The following PAPPA variants were observed in gnomAD, a reference collection of about 807,000 sequenced individuals.
PAPPA encodes pappalysin 1.
A neutral mutation model predicts 164.0 loss-of-function variants in PAPPA; 60 were observed. The ratio of observed to expected loss-of-function variants is 0.37; its 90% CI spans 0.30 to 0.45. The LOEUF (loss-of-function observed/expected upper bound fraction) is 0.45, where lower values mean the gene tolerates loss of function less well. Ranked by LOEUF, PAPPA falls within the 20% of genes least tolerant of loss-of-function variation. The probability of loss-of-function intolerance (pLI) is 1.00; values close to 1 mark genes in which losing one functional copy is unlikely to be tolerated. For synonymous variants in PAPPA, 875 were observed against 814.1 expected (o/e 1.07, Z -1.27); for missense variants, 1,782 against 2,087.3 (o/e 0.85, Z 2.85).
intron 8 of PAPPA, 125 bp downstream of exon 8, chr9:116,266,110 C>A: frequency 1.3e-6 from 1 of 759,564 alleles, no homozygotes; most frequent in Middle Eastern, 3.7e-4. Flanking sequence ...ACTAGTGGTC[C>A]CCAGCAGTCT....
At chr9:116,250,715 A>T (rs943873876) in intron 7 of PAPPA, among the ~76,000 whole-genome samples, 1 of 152,246 alleles carries the variant, frequency 6.6e-6, no homozygotes, top group Admixed American at 6.5e-5. Flanking sequence ...CTATGCCAGG[A>T]CTGACACTTG....
chr9:116,252,027 A>G (rs1844866601), intron 7 of PAPPA, among the ~76,000 whole-genome samples: 2 of 152,214 alleles, frequency 1.3e-5, no homozygotes, highest in South Asian at 2.1e-4. Flanking sequence ...AATCATTTCA[A>G]TTGGTGGTAA....
chr9:116,398,467 T>TATCA lies in PAPPA; in HGVS notation c.*1852_*1855dup. The TATCA allele has an allele frequency of 2.8e-6, 2 of 724,042 alleles. No individual in the cohort carries two copies. Among genetic ancestry groups the TATCA allele is most frequent in the Non-Finnish European group, 3.8e-6 (2 of 525,018 alleles). 44.9% of individuals were successfully genotyped at this position (724,042 alleles called of 1,614,324 possible). On this transcript the variant is annotated 3_prime_UTR_variant, in exon 22 of 22. Transcript: ENST00000328252. The stretch of plus-strand genomic sequence containing the variant: ...GCATCCAAGGCAGGTGTTGTTAATC[T>TATCA]ATCATAGCACTTAAAAAAAAAAAAA...
intron 7 of PAPPA, among the ~76,000 whole-genome samples, chr9:116,237,443 G>A (rs536250010): frequency 1.3e-5 from 2 of 152,280 alleles, no homozygotes; most frequent in South Asian, 4.2e-4. Flanking sequence ...AGAAATAATA[G>A]ATGTTTTAAA....
At chr9:116,369,263 CA>C (rs1588023583) in intron 19 of PAPPA, among the ~76,000 whole-genome samples, 2 of 152,238 alleles carry the variant, frequency 1.3e-5, no homozygotes, top group East Asian at 3.9e-4. Flanking sequence ...AATTCCTGCA[CA>C]GATTCCCCCG....
At position 116,206,346 on chromosome 9, in the gene PAPPA, A is replaced by G. The variant is rs77047688; in HGVS notation, c.1479-1110A>G. ...GACATGGGCGGCCTTGACACGCTAGATCTCAGACGTATCCTATTCACAGCA... is the reference window on the plus strand; with the variant it reads ...GACATGGGCGGCCTTGACACGCTAGGTCTCAGACGTATCCTATTCACAGCA... On this transcript the variant is annotated intron_variant, in intron 2 of 21. Transcript: ENST00000328252. 6.1e-3 allele frequency among the ~76,000 whole-genome samples: 933 copies of G among 152,212 alleles called. 29 individuals are homozygous for G. In the East Asian group the frequency reaches 0.11, roughly 17 times the overall value.
chr9:116,242,458 G>T (rs1285419067), intron 7 of PAPPA, among the ~76,000 whole-genome samples: 1 of 152,198 alleles, frequency 6.6e-6, no homozygotes. Flanking sequence ...GATGGAAATT[G>T]TATTAATTTG....
rs186558912 is a variant in PAPPA at position 116,394,278 on chromosome 9, C to A, written c.4777-2231C>A. Among the ~76,000 whole-genome samples the A allele has an allele frequency of 3.5e-3, 539 of 152,258 alleles. 2 individuals are homozygous for A. The highest frequency in any genetic ancestry group is 0.012 in the African/African-American group (516 of 41,566). ...CAGCATATATGTATTTGGCACTGAG[C>A]ATCTCAAGGGTGTTAGGCCATGTGC... On this transcript the variant is annotated intron_variant, in intron 21 of 21. Transcript: ENST00000328252.
chr9:116,173,211 C>A (rs1843793354), intron 1 of PAPPA, among the ~76,000 whole-genome samples: 3 of 152,154 alleles, frequency 2.0e-5, no homozygotes, highest in Admixed American at 2.0e-4. Context: ...AGCCTTAAAG[C>A]GTTTTTTGAG....
intron 19 of PAPPA, among the ~76,000 whole-genome samples, chr9:116,376,730 C>T (rs1274188578): frequency 6.6e-6 from 1 of 152,096 alleles, no homozygotes; most frequent in East Asian, 1.9e-4. Flanking sequence ...CCAAAGAAGA[C>T]ATAAATTTTG....
Position 116,396,506 on chromosome 9 carries a change from C to T in PAPPA, c.4777-3C>T. The T allele has an allele frequency of 1.3e-6, 1 of 780,510 alleles. No homozygotes were observed. The highest frequency in any genetic ancestry group is 2.4e-6 in the Non-Finnish European group (1 of 417,830). The allele number at this position is 780,510 out of a possible 1,614,324, so 48.3% of individuals were successfully genotyped here. A position where few individuals can be genotyped will look rare whatever the true frequency, so the allele number is the denominator to read the frequency against. On this transcript the variant is annotated splice_polypyrimidine_tract_variant and splice_region_variant and intron_variant, in intron 21 of 21. Transcript: ENST00000328252. ...TCACCTGATTCACTTCTTCTTTCTG[C>T]AGGTCACCCCATTCCCTATGTCCTG...
Position 116,228,944 on chromosome 9 carries a change from G to A in PAPPA, c.2233+1392G>A, listed in dbSNP as rs79599230. On this transcript the variant is annotated intron_variant, in intron 6 of 21. Transcript: ENST00000328252. Reference sequence around the variant, plus strand: ...AACATTTTGCATGCTTGTATCTAGTGAGCCTGTCTCACTAGTGACCAACAC... The same window carrying A: ...AACATTTTGCATGCTTGTATCTAGTAAGCCTGTCTCACTAGTGACCAACAC... Among the ~76,000 whole-genome samples, 1,053 of 152,152 alleles carry A rather than the reference G, an allele frequency of 6.9e-3. 15 individuals carry two copies. The highest frequency in any genetic ancestry group is 0.024 in the African/African-American group (1,013 of 41,446).
chr9:116,195,852 C>G (rs1432620107), intron 2 of PAPPA, among the ~76,000 whole-genome samples: 1 of 152,028 alleles, frequency 6.6e-6, no homozygotes, highest in Non-Finnish European at 1.5e-5. Flanking sequence ...CTACCAAAAG[C>G]CCTTTTATTT....
chr9:116,243,222 A>G (rs935265564), intron 7 of PAPPA, among the ~76,000 whole-genome samples: 3 of 152,222 alleles, frequency 2.0e-5, no homozygotes, highest in Admixed American at 1.3e-4. Context: ...GCTAAGAACC[A>G]TGACACATTC....
At chr9:116,377,200 A>G (rs1376171333) in intron 19 of PAPPA, among the ~76,000 whole-genome samples, 2 of 149,538 alleles carry the variant, frequency 1.3e-5, no homozygotes, top group Non-Finnish European at 2.9e-5. Context: ...ACATGCAAAC[A>G]CACACATGCG....
chr9:116,268,486 C>T (rs1286900888), intron 8 of PAPPA, among the ~76,000 whole-genome samples: 1 of 152,078 alleles, frequency 6.6e-6, no homozygotes, highest in African/African-American at 2.4e-5. Flanking sequence ...CATTTGCAGT[C>T]ACTGGTGATA....
At chr9:116,311,483 G>C (rs974635565) in intron 10 of PAPPA, among the ~76,000 whole-genome samples, 4 of 152,224 alleles carry the variant, frequency 2.6e-5, no homozygotes, top group African/African-American at 9.6e-5. Flanking sequence ...AGGTTATGTA[G>C]AAAGTGATTT....
At position 116,353,810 on chromosome 9, in the gene PAPPA, T is replaced by C. The variant is rs1034208535; in HGVS notation, c.4347+17T>C. The C allele has an allele frequency of 1.3e-6, 2 of 1,595,350 alleles. No individual in the cohort carries two copies. Among genetic ancestry groups the C allele is most frequent in the Non-Finnish European group, 1.7e-6 (2 of 1,165,230 alleles). On this transcript the variant is annotated intron_variant, in intron 17 of 21. Transcript: ENST00000328252. ...GCCTCCCAGGTAAGCCTCCTGGAAC[T>C]TGAGATTGATACCATGGTCCCTTTC...
At chr9:116,218,366 C>T (rs1037692812) in intron 4 of PAPPA, among the ~76,000 whole-genome samples, 1 of 152,180 alleles carries the variant, frequency 6.6e-6, no homozygotes, top group Non-Finnish European at 1.5e-5. Context: ...GTATATGCTG[C>T]AGGATTCCCA....
Sources: gnomAD v4.1 joint callset for allele counts (sites outside exome capture counted in the v4.1 genomes callset) on GRCh38, gnomAD v4.1.1 for gene constraint, MANE v1.5 for transcripts, NCBI Gene and HGNC (gene_info 2026-07-23, HGNC 2026-07-21) for gene names.